Variants in FMN1 observed in about 807,000 individuals in gnomAD.
FMN1 encodes the protein formin 1.
FMN1 carries 110 observed loss-of-function variants against 132.4 expected under a neutral mutation model. The observed-to-expected ratio is 0.83, with a 90% CI of 0.71 to 0.97. The LOEUF (loss-of-function observed/expected upper bound fraction) is 0.97, where lower values mean the gene tolerates loss of function less well. Among genes scored for constraint, FMN1 ranks in the 50% least tolerant of loss-of-function variants. FMN1 has a pLI of 0.00. For synonymous variants in FMN1, 722 were observed against 651.7 expected (o/e 1.11, Z -1.64); for missense variants, 1,792 against 1,705.3 (o/e 1.05, Z -0.90).
intron 7 of FMN1, among the ~76,000 whole-genome samples, chr15:32,974,102 C>T (rs2032008926): frequency 6.6e-6 from 1 of 152,188 alleles, no homozygotes; most frequent in South Asian, 2.1e-4. Flanking sequence ...GCCTTTATAT[C>T]CTGTTAACTT....
At chr15:33,018,954 A>C (rs1200479638) in intron 6 of FMN1, among the ~76,000 whole-genome samples, 1 of 152,158 alleles carries the variant, frequency 6.6e-6, no homozygotes, top group Non-Finnish European at 1.5e-5. Context: ...ACAGCTCATA[A>C]AGACAATGTG....
intron 2 of FMN1, among the ~76,000 whole-genome samples, chr15:33,190,413 T>C (rs1393815210): frequency 6.6e-6 from 1 of 152,190 alleles, no homozygotes; most frequent in Non-Finnish European, 1.5e-5. Flanking sequence ...AAAATTACTA[T>C]GGTGAGTGAA....
At chr15:33,191,659 C>T (rs996609852) in intron 2 of FMN1, among the ~76,000 whole-genome samples, 5 of 152,198 alleles carry the variant, frequency 3.3e-5, no homozygotes, top group East Asian at 3.8e-4. Context: ...TGCTTTTATG[C>T]GCTGACAAGG....
intron 4 of FMN1, among the ~76,000 whole-genome samples, chr15:33,101,214 A>T (rs2039281202): frequency 6.6e-6 from 1 of 152,218 alleles, no homozygotes; most frequent in Non-Finnish European, 1.5e-5. Context: ...CTGCATGTCG[A>T]GCCAAATCTG....
chr15:32,839,314 C>T (rs140639865), intron 17 of FMN1, among the ~76,000 whole-genome samples: 1,659 of 152,220 alleles, frequency 0.011, 13 homozygotes, highest in Non-Finnish European at 0.014. Flanking sequence ...GGAGCGTCAG[C>T]ACCAACCCAC....
chr15:33,172,159 G>A (rs1258344452), intron 3 of FMN1, among the ~76,000 whole-genome samples: 1 of 151,564 alleles, frequency 6.6e-6, no homozygotes, highest in Non-Finnish European at 1.5e-5. Flanking sequence ...AGTGAGCCGA[G>A]ATCGCGCCAC....
At chr15:32,997,504 T>A (rs1297801802) in intron 7 of FMN1, among the ~76,000 whole-genome samples, 2 of 152,198 alleles carry the variant, frequency 1.3e-5, no homozygotes, top group Non-Finnish European at 1.5e-5. Flanking sequence ...GCCATTCTAC[T>A]GACCAGCTGT....
intron 4 of FMN1, among the ~76,000 whole-genome samples, chr15:33,141,559 C>CT (rs1964011195): frequency 6.6e-6 from 1 of 152,066 alleles, no homozygotes; most frequent in Non-Finnish European, 1.5e-5. Flanking sequence ...GTGAGGGAAG[C>CT]AGGATTGGAG....
intron 7 of FMN1, among the ~76,000 whole-genome samples, chr15:32,978,005 T>C (rs1246155243): frequency 2.6e-5 from 4 of 151,886 alleles, no homozygotes; most frequent in Non-Finnish European, 4.4e-5. Flanking sequence ...TACAGATGCA[T>C]GCCCCCACGC....
intron 9 of FMN1, among the ~76,000 whole-genome samples, chr15:32,926,781 T>C (rs572044711): frequency 4.6e-5 from 7 of 152,120 alleles, no homozygotes; most frequent in Non-Finnish European, 1.0e-4. Flanking sequence ...GGGCTGACTA[T>C]ATTTAGTCTA....
chr15:33,097,180 C>T (rs1281461069), intron 4 of FMN1, among the ~76,000 whole-genome samples: 1 of 151,826 alleles, frequency 6.6e-6, no homozygotes. Context: ...GCCTGTGGTG[C>T]CAGCTACTTG....
intron 10 of FMN1, among the ~76,000 whole-genome samples, chr15:32,923,624 C>G (rs780974398): frequency 6.6e-6 from 1 of 152,160 alleles, no homozygotes; most frequent in African/African-American, 2.4e-5. Flanking sequence ...AGTTCACGTA[C>G]GCTTCACAGA....
chr15:33,189,128 AG>A (rs1488353932), intron 2 of FMN1, among the ~76,000 whole-genome samples: 1 of 152,222 alleles, frequency 6.6e-6, no homozygotes, highest in Admixed American at 6.5e-5. Context: ...AAAATAAATC[AG>A]AGGGTGATCT....
intron 9 of FMN1, among the ~76,000 whole-genome samples, chr15:32,940,252 AGTC>A (rs1414251438): frequency 6.6e-6 from 1 of 152,174 alleles, no homozygotes; most frequent in East Asian, 1.9e-4. Context: ...TTCAGAGAAA[AGTC>A]AGGAGACCAG....
In FMN1 at chr15:33,154,485, G is replaced by A. The variant is rs1461717368; in HGVS notation, c.430C>T (p.Pro144Ser). The change falls in exon 4 of 21, where the codon CCC becomes TCC. Residue 144 changes from proline (P) to serine (S), a missense_variant. Around this residue, in one of 3 missense-constraint regions of FMN1, gnomAD observed 638 missense variants for 645.2 expected, o/e 0.99. Transcript: ENST00000616417. ...CTCCTCTTATTGAGAGGGCCCACGG[G>A]GAGCTCTCCCTGCCAGTCACCAGCA... ...QSAGDWQGEL[P>S]VGPLNKRSTH... 2.6e-6 allele frequency: 4 copies of A among 1,535,786 alleles called. No homozygotes were observed. Among genetic ancestry groups the A allele is most frequent in the Non-Finnish European group, 3.5e-6 (4 of 1,146,918 alleles).
intron 6 of FMN1, among the ~76,000 whole-genome samples, chr15:33,020,633 C>T (rs1427302068): frequency 3.4e-5 from 3 of 88,802 alleles, no homozygotes; most frequent in Admixed American, 2.4e-4. Context: ...AGCGAAACTC[C>T]GTCTCAAAAA....
At chr15:33,130,559 TGATGACAAG>T (rs529329109) in intron 4 of FMN1, among the ~76,000 whole-genome samples, 5,482 of 152,292 alleles carry the variant, frequency 0.036, 147 homozygotes, top group Non-Finnish European at 0.056. Context: ...TAAGCAATTT[TGATGACAAG>T]AAAATGCTGT....
intron 6 of FMN1, among the ~76,000 whole-genome samples, chr15:33,047,447 T>C (rs1358082045): frequency 6.6e-6 from 1 of 152,200 alleles, no homozygotes; most frequent in Non-Finnish European, 1.5e-5. Context: ...TTATAAACAG[T>C]GCTATATTTA....
intron 6 of FMN1, 79 bp from the exon 7 acceptor site, chr15:33,008,154 T>C: frequency 9.3e-7 from 1 of 1,079,122 alleles, no homozygotes; most frequent in East Asian, 2.6e-5. Context: ...CTCTTAGAAA[T>C]AAACTGACTA....
Sources: allele counts gnomAD v4.1 joint callset (sites outside exome capture counted in the v4.1 genomes callset), GRCh38; gene constraint gnomAD v4.1.1; regional missense constraint gnomAD v4.1.1; transcripts MANE v1.5; gene names NCBI Gene and HGNC (gene_info 2026-07-23, HGNC 2026-07-21).